Variants in RP1 observed in about 807,000 individuals in gnomAD.
The protein encoded by RP1 is oxygen-regulated protein 1.
A neutral mutation model predicts 14.8 loss-of-function variants in RP1; 16 were observed. That is an observed-to-expected ratio of 1.08 (90% CI 0.73 to 1.65). The LOEUF is 1.65. Ranked by LOEUF, RP1 falls within the 40% of genes most tolerant of loss-of-function variation. The probability of loss-of-function intolerance (pLI) is 0.00; values close to 1 mark genes in which losing one functional copy is unlikely to be tolerated. For synonymous variants in RP1, 876 were observed against 883.6 expected (o/e 0.99, Z 0.15); for missense variants, 2,631 against 2,535.0 (o/e 1.04, Z -0.81).
Position 54,624,793 on chromosome 8 carries a change from A to G in RP1, c.911A>G (p.Lys304Arg). 2 of 1,614,048 alleles carry G rather than the reference A, an allele frequency of 1.2e-6. No individual in the cohort carries two copies. The highest frequency in any genetic ancestry group is 1.7e-6 in the Non-Finnish European group (2 of 1,179,988). ...FVPEKYLALE[K>R]NDSQNLPIYP... ...CCTGAAAAGTACTTGGCCTTAGAAA[A>G]GAATGATTCTCAGAATTTACCAATA... is the stretch of plus-strand genomic sequence containing the variant. Residue 304 changes from lysine (K) to arginine (R), a missense_variant, in exon 4 of 4, where the codon AAG becomes AGG. Coordinates refer to ENST00000220676, the MANE Select transcript of RP1 (RefSeq NM_006269.2).
At chr8:54,566,531 A>T (rs1166108180) in intron 1 of RP1, among the ~76,000 whole-genome samples, 6 of 152,122 alleles carry the variant, frequency 3.9e-5, no homozygotes. Context: ...CCCAGGAAGG[A>T]GTGGCTAGAG....
chr8:54,638,437 C>CA (rs35957110), intron 3 of RP1, among the ~76,000 whole-genome samples: 1,968 of 122,660 alleles, frequency 0.016, 15 homozygotes, highest in Middle Eastern at 0.032. Context: ...GACTCCATCT[C>CA]AAAAAAAAAA....
intron 24 of RP1, among the ~76,000 whole-genome samples, chr8:54,816,972 G>A (rs1220205806): frequency 2.0e-5 from 3 of 152,020 alleles, no homozygotes; most frequent in African/African-American, 7.2e-5. Context: ...CACCAGCTTA[G>A]GAGAGTATCT....
intron 27 of RP1, among the ~76,000 whole-genome samples, chr8:54,857,270 T>C (rs1812226661): frequency 6.8e-6 from 1 of 147,874 alleles, no homozygotes; most frequent in African/African-American, 2.4e-5. Flanking sequence ...GTTATATTTA[T>C]ATATAATTTA....
At chr8:54,813,440 T>A in intron 24 of RP1, among the ~76,000 whole-genome samples, 1 of 152,152 alleles carries the variant, frequency 6.6e-6, no homozygotes, top group African/African-American at 2.4e-5. Flanking sequence ...CATGCCATGG[T>A]AAAAGCAGGC....
chr8:54,638,049 C>A (rs535047570), intron 3 of RP1, among the ~76,000 whole-genome samples: 2 of 152,158 alleles, frequency 1.3e-5, no homozygotes, highest in Non-Finnish European at 2.9e-5. Flanking sequence ...CCCTCAGCAA[C>A]ATCCTGGGAA....
intron 1 of RP1, among the ~76,000 whole-genome samples, chr8:54,592,303 C>T (rs1805058104): frequency 6.6e-6 from 1 of 152,114 alleles, no homozygotes; most frequent in African/African-American, 2.4e-5. Flanking sequence ...ATAGTAGGCT[C>T]CCTGTGGAAT....
At chr8:54,836,673 T>G (rs1811664244) in intron 24 of RP1, among the ~76,000 whole-genome samples, 1 of 151,888 alleles carries the variant, frequency 6.6e-6, no homozygotes, top group Non-Finnish European at 1.5e-5. Flanking sequence ...CAAAGAGGAG[T>G]CCAGCCCACC....
chr8:54,732,291 TG>T (rs1397329559), intron 17 of RP1, among the ~76,000 whole-genome samples: 1 of 152,222 alleles, frequency 6.6e-6, no homozygotes, highest in Non-Finnish European at 1.5e-5. Flanking sequence ...ACTCACTTCC[TG>T]CCCTCCGCTA....
chr8:54,706,689 T>G (rs764633866), intron 15 of RP1: 137 of 1,531,422 alleles, frequency 8.9e-5, no homozygotes, highest in Non-Finnish European at 9.6e-6. Flanking sequence ...TCAGCAAATG[T>G]TTAAGACATT....
At chr8:54,737,720 A>G (rs1313164521) in intron 18 of RP1, among the ~76,000 whole-genome samples, 3 of 152,134 alleles carry the variant, frequency 2.0e-5, no homozygotes, top group Non-Finnish European at 4.4e-5. Context: ...TGCAGTCTGT[A>G]GGGGAAAGTG....
intron 1 of RP1, among the ~76,000 whole-genome samples, chr8:54,573,003 A>G (rs1161714302): frequency 6.6e-6 from 1 of 151,998 alleles, no homozygotes; most frequent in Non-Finnish European, 1.5e-5. Flanking sequence ...TCTTGGCATA[A>G]AAAATCTTAC....
rs545690299 is a variant in RP1, at chr8:54,568,627, C to T, written c.-13+9307C>T. Among the ~76,000 whole-genome samples the T allele has an allele frequency of 2.0e-5, 3 of 152,342 alleles. No individual in the cohort carries two copies. In the South Asian group the frequency reaches 6.2e-4, roughly 32 times the overall value. On this transcript the variant is annotated intron_variant, in intron 1 of 22. Coordinates refer to the RP1 transcript ENST00000636932. ...TACTCTGGGCAAGGACATTAAGACG[C>T]TTGTGCTCTTTTATCTTAAGGAAGT...
chr8:54,823,252 T>G (rs1811303033), intron 24 of RP1, among the ~76,000 whole-genome samples: 1 of 152,246 alleles, frequency 6.6e-6, no homozygotes, highest in African/African-American at 2.4e-5. Flanking sequence ...GCTTCTCTTT[T>G]ATATCTCAAT....
intron 24 of RP1, among the ~76,000 whole-genome samples, chr8:54,822,809 C>A (rs1811289734): frequency 1.3e-5 from 2 of 152,154 alleles, no homozygotes; most frequent in Admixed American, 1.3e-4. Flanking sequence ...GGTGAATTAG[C>A]CAAATACCTA....
In RP1 at chr8:54,703,374, C is replaced by T. The variant is rs150570901; in HGVS notation, c.1998+1712C>T. Among the ~76,000 whole-genome samples, 1,494 of 152,198 alleles carry T rather than the reference C, an allele frequency of 9.8e-3. 17 individuals carry two copies. The highest frequency in any genetic ancestry group is 0.013 in the Non-Finnish European group (882 of 68,014). ...GTGTCCATCAGAGCTCTTGGGTGAC[C>T]AGGTACATTGTCAATGAATAGTTAT... is the stretch of plus-strand genomic sequence containing the variant. On this transcript the variant is annotated intron_variant, in intron 14 of 22. Transcript: ENST00000636932.
chr8:54,605,668 G>T (rs1037803867), intron 1 of RP1, among the ~76,000 whole-genome samples: 2 of 152,150 alleles, frequency 1.3e-5, no homozygotes, highest in Admixed American at 6.5e-5. Flanking sequence ...TATTGTGTGG[G>T]AGTCTAAGTC....
downstream of RP1, among the ~76,000 whole-genome samples, chr8:54,773,563 G>C (rs1489386425): frequency 6.6e-6 from 1 of 152,094 alleles, no homozygotes; most frequent in African/African-American, 2.4e-5. Flanking sequence ...CTTGAACCCA[G>C]GTGGCGGAGG....
rs770966886 is a variant in RP1, at chr8:54,627,210, G to C, written c.3328G>C (p.Gly1110Arg). ...TCAGAATGGAGTTGTTCAAATGCCA[G>C]GTTCACTTGCAGGTGTTCCCTTTCA... is the stretch of plus-strand genomic sequence containing the variant. ...KTQNGVVQMP[G>R]SLAGVPFHSA... The change falls in exon 4 of 4, where the codon GGT (glycine) becomes CGT (arginine). Residue 1110 changes from glycine to arginine, a missense_variant. Physicochemically the swap from Gly to Arg is moderately radical, Grantham distance 125 (BLOSUM62 -2). Coordinates refer to ENST00000220676, the MANE Select transcript of RP1 (RefSeq NM_006269.2). The C allele has an allele frequency of 1.2e-6, 2 of 1,614,028 alleles. No homozygotes were observed. Among genetic ancestry groups the C allele is most frequent in the Non-Finnish European group, 1.7e-6 (2 of 1,179,986 alleles).
Sources: gnomAD v4.1 joint callset for allele counts (sites outside exome capture counted in the v4.1 genomes callset) on GRCh38, gnomAD v4.1.1 for gene constraint, MANE v1.5 for transcripts, NCBI Gene and HGNC (gene_info 2026-07-23, HGNC 2026-07-21) for gene names.